The following NEGR1 variants were observed in gnomAD, a reference collection of about 807,000 sequenced individuals.
The protein encoded by NEGR1 is IgLON family member 4.
In NEGR1, 10 loss-of-function variants were observed where a neutral mutation model predicts 40.9. That is an observed-to-expected ratio of 0.24 (90% CI 0.15 to 0.42). The LOEUF is 0.42. NEGR1 is among the 10% of genes least tolerant of loss of function. The pLI, the probability that NEGR1 is intolerant of heterozygous loss-of-function variation, is 1.00. For missense variants in NEGR1, 352 were observed against 438.9 expected (o/e 0.80, Z 1.77); for synonymous variants, 185 against 166.8 (o/e 1.11, Z -0.84).
chr1:71,678,047 A>G (rs1413936300), intron 4 of NEGR1, among the ~76,000 whole-genome samples: 6 of 95,014 alleles, frequency 6.3e-5, no homozygotes. Context: ...TTATTTTTAC[A>G]GAGCACATGC....
intron 3 of NEGR1, among the ~76,000 whole-genome samples, chr1:71,724,275 C>A (rs994961070): frequency 6.6e-6 from 1 of 152,058 alleles, no homozygotes; most frequent in Admixed American, 6.6e-5. Context: ...GTGGATCACA[C>A]CATACATCGT....
intron 2 of NEGR1, among the ~76,000 whole-genome samples, chr1:71,927,818 T>TAAAAAAAAAAAAAAAAAAAA (rs35429988): frequency 4.5e-5 from 1 of 22,428 alleles, no homozygotes; most frequent in African/African-American, 2.0e-4. Context: ...ACCCAATCTC[T>TAAAAAAAAAAAAAAAAAAAA]AAAAAAAAAA....
chr1:72,028,964 C>G (rs907278834), intron 1 of NEGR1, among the ~76,000 whole-genome samples: 1 of 151,998 alleles, frequency 6.6e-6, no homozygotes, highest in African/African-American at 2.4e-5. Flanking sequence ...GAATTGAGCA[C>G]TTGTAAAAAT....
At chr1:71,888,532 G>A (rs1261293216) in intron 2 of NEGR1, among the ~76,000 whole-genome samples, 3 of 151,236 alleles carry the variant, frequency 2.0e-5, no homozygotes, top group Non-Finnish European at 4.4e-5. Context: ...GGCGCACCAC[G>A]AGACTATATC....
chr1:72,271,786 G>T (rs1655852682), intron 1 of NEGR1, among the ~76,000 whole-genome samples: 2 of 151,822 alleles, frequency 1.3e-5, no homozygotes, highest in Admixed American at 1.3e-4. Context: ...GGGACCTAGG[G>T]GAAGTAACTG....
intron 2 of NEGR1, among the ~76,000 whole-genome samples, chr1:71,859,793 C>T (rs955249048): frequency 1.3e-5 from 2 of 152,028 alleles, no homozygotes; most frequent in African/African-American, 4.8e-5. Context: ...TATAACCATA[C>T]CTGGAACACA....
chr1:71,748,051 T>C (rs1437681357), intron 3 of NEGR1, among the ~76,000 whole-genome samples: 1 of 152,198 alleles, frequency 6.6e-6, no homozygotes, highest in African/African-American at 2.4e-5. Flanking sequence ...ATTCTGTTAT[T>C]AAAACAATTC....
At chr1:71,411,263 T>C (rs1646318536) in intron 6 of NEGR1, among the ~76,000 whole-genome samples, 1 of 152,196 alleles carries the variant, frequency 6.6e-6, no homozygotes, top group Non-Finnish European at 1.5e-5. Flanking sequence ...AGGCTCATTA[T>C]ACTTTGACCT....
rs982500051 is a variant in NEGR1 at position 71,878,305 on chromosome 1, C to T, written c.409+56774G>A. On this transcript the variant is annotated intron_variant, in intron 2 of 6. Coordinates refer to ENST00000357731, the MANE Select transcript of NEGR1 (RefSeq NM_173808.3). ...GAATTAAGTGCTTTCATTATCTTTCCCAGCAGTGATTCTTACACTTTGGCA... is the reference window on the plus strand; with the variant it reads ...GAATTAAGTGCTTTCATTATCTTTCTCAGCAGTGATTCTTACACTTTGGCA... Among the ~76,000 whole-genome samples the T allele has an allele frequency of 3.3e-5, 5 of 152,050 alleles. No individual in the cohort carries two copies. The South Asian group carries it at 1.0e-3, about 32-fold the overall frequency.
At chr1:72,089,113 T>C (rs1648350723) in intron 1 of NEGR1, among the ~76,000 whole-genome samples, 1 of 152,192 alleles carries the variant, frequency 6.6e-6, no homozygotes. Flanking sequence ...GGGTACAGAT[T>C]CTGCTTTTCT....
chr1:71,748,721 G>A (rs750608114), intron 3 of NEGR1, among the ~76,000 whole-genome samples: 24 of 151,792 alleles, frequency 1.6e-4, no homozygotes, highest in Admixed American at 2.0e-4. Flanking sequence ...AGGACTATTC[G>A]GTGCTCACAT....
intron 5 of NEGR1, among the ~76,000 whole-genome samples, chr1:71,607,324 T>TC (rs1391327376): frequency 2.1e-4 from 32 of 152,230 alleles, no homozygotes; most frequent in African/African-American, 7.7e-4. Flanking sequence ...ATTTTGCAAA[T>TC]CCATAAACAA....
At chr1:71,454,390 T>A (rs2101333521) in intron 6 of NEGR1, among the ~76,000 whole-genome samples, 1 of 152,302 alleles carries the variant, frequency 6.6e-6, no homozygotes, top group East Asian at 1.9e-4. Flanking sequence ...TTCTTGGATG[T>A]CAATAATATC....
At chr1:72,216,842 T>C (rs1653839119) in intron 1 of NEGR1, among the ~76,000 whole-genome samples, 1 of 151,634 alleles carries the variant, frequency 6.6e-6, no homozygotes, top group African/African-American at 2.4e-5. Context: ...TTATAGAATC[T>C]ATCATATATA....
intron 1 of NEGR1, among the ~76,000 whole-genome samples, chr1:72,188,625 T>G (rs911512917): frequency 6.6e-6 from 1 of 151,504 alleles, no homozygotes; most frequent in African/African-American, 2.4e-5. Flanking sequence ...CTAGGAGATA[T>G]TTGTAAATTG....
intron 6 of NEGR1, among the ~76,000 whole-genome samples, chr1:71,547,222 T>C (rs904413104): frequency 6.6e-6 from 1 of 151,788 alleles, no homozygotes; most frequent in African/African-American, 2.4e-5. Context: ...AATTTCTTTC[T>C]TTGAATCCGA....
chr1:72,261,391 A>C (rs977323610), intron 1 of NEGR1, among the ~76,000 whole-genome samples: 1 of 152,084 alleles, frequency 6.6e-6, no homozygotes, highest in African/African-American at 2.4e-5. Flanking sequence ...ATGTTTCTCA[A>C]ACTTCATTAT....
intron 1 of NEGR1, among the ~76,000 whole-genome samples, chr1:72,237,818 G>C (rs1654607000): frequency 6.6e-6 from 1 of 151,848 alleles, no homozygotes; most frequent in South Asian, 2.1e-4. Context: ...TTTTAGTTTT[G>C]ACATAAACTA....
intron 2 of NEGR1, among the ~76,000 whole-genome samples, chr1:71,805,029 C>T (rs1024948392): frequency 6.6e-6 from 1 of 152,100 alleles, no homozygotes; most frequent in African/African-American, 2.4e-5. Flanking sequence ...TTGGGGGTGG[C>T]TGTCTTTTAC....
Sources: gnomAD v4.1 joint callset for allele counts (sites outside exome capture counted in the v4.1 genomes callset) on GRCh38, gnomAD v4.1.1 for gene constraint, MANE v1.5 for transcripts, NCBI Gene and HGNC (gene_info 2026-07-23, HGNC 2026-07-21) for gene names.